Variants in PRP4K observed in about 807,000 individuals in gnomAD.
The protein encoded by PRP4K is serine/threonine-protein kinase PRP4 homolog.
chr6:4,023,992 G>A, the PRP4K span, among the ~76,000 whole-genome samples: 15 of 151,652 alleles, frequency 9.9e-5, no homozygotes, highest in African/African-American at 3.2e-4. Context: ...TCAGCCTCCC[G>A]AGTAGCTGGG....
At chr6:4,043,892 G>A in the PRP4K span, 2 of 1,614,168 alleles carry the variant, frequency 1.2e-6, no homozygotes, top group Non-Finnish European at 1.7e-6. Flanking sequence ...ACGAGAACAC[G>A]ATCACCATCT....
At chr6:4,052,674 AT>A in the PRP4K span, 3 of 1,427,450 alleles carry the variant, frequency 2.1e-6, no homozygotes, top group Non-Finnish European at 2.8e-6. Context: ...TCCATTTTGC[AT>A]TTTAACTCCT....
chr6:4,059,031 A>G, the PRP4K span: 25 of 466,456 alleles, frequency 5.4e-5, no homozygotes, highest in East Asian at 9.2e-4. Context: ...ATTATAGGTC[A>G]TATTTAGGCC....
chr6:4,049,190 G>T, the PRP4K span: 1 of 1,209,916 alleles, frequency 8.3e-7, no homozygotes, highest in Non-Finnish European at 1.2e-6. Context: ...CAGATTATTG[G>T]AGAACTCTGA....
chr6:4,060,631 CTCCAAGGGTT>C, the PRP4K span: 1 of 1,606,042 alleles, frequency 6.2e-7, no homozygotes, highest in Non-Finnish European at 8.5e-7. The surrounding 1 kb of genome is among the most constrained non-coding windows in gnomAD (Gnocchi z 4.7). Flanking sequence ...GATGAAGAAA[CTCCAAGGGTT>C]TGAGTAAATA....
chr6:4,057,593 T>G, the PRP4K span, among the ~76,000 whole-genome samples: 1 of 152,274 alleles, frequency 6.6e-6, no homozygotes, highest in East Asian at 1.9e-4. Flanking sequence ...TATTAAAGAT[T>G]GGAGGTTATT....
chr6:4,044,894 G>C, the PRP4K span, among the ~76,000 whole-genome samples: 2 of 142,036 alleles, frequency 1.4e-5, no homozygotes, highest in East Asian at 2.0e-4. Flanking sequence ...ACAGAGTCTT[G>C]CTCTGTCACC....
chr6:4,024,489 A>G, the PRP4K span, among the ~76,000 whole-genome samples: 1 of 152,256 alleles, frequency 6.6e-6, no homozygotes, highest in Non-Finnish European at 1.5e-5. Context: ...AATTTAAATC[A>G]GTCAGTTCTC....
the PRP4K span, among the ~76,000 whole-genome samples, chr6:4,030,540 T>C: frequency 1.3e-5 from 2 of 152,212 alleles, no homozygotes; most frequent in Non-Finnish European, 2.9e-5. Context: ...TTTGAACCAG[T>C]ATTTAACTTG....
chr6:4,050,817 A>G, the PRP4K span, among the ~76,000 whole-genome samples: 12,874 of 152,246 alleles, frequency 0.085, 1,049 homozygotes, highest in African/African-American at 0.19. Context: ...CTTATTGACA[A>G]ATTGTAACAA....
chr6:4,035,183 C>T, the PRP4K span, among the ~76,000 whole-genome samples: 1 of 149,304 alleles, frequency 6.7e-6, no homozygotes, highest in African/African-American at 2.5e-5. Context: ...GTGGTGTGAT[C>T]TTGGCTCACT....
At chr6:4,040,006 T>C in the PRP4K span, among the ~76,000 whole-genome samples, 1 of 151,876 alleles carries the variant, frequency 6.6e-6, no homozygotes, top group Non-Finnish European at 1.5e-5. Context: ...CAAGGAATCC[T>C]CCCGGTAGCT....
chr6:4,026,413 C>T, the PRP4K span, among the ~76,000 whole-genome samples: 1 of 151,354 alleles, frequency 6.6e-6, no homozygotes, highest in Non-Finnish European at 1.5e-5. Flanking sequence ...AGCACTTCTC[C>T]TGCCTCAGCC....
At chr6:4,030,471 A>G in the PRP4K span, among the ~76,000 whole-genome samples, 1 of 152,198 alleles carries the variant, frequency 6.6e-6, no homozygotes, top group Non-Finnish European at 1.5e-5. Context: ...TTTTGGTCTG[A>G]TATTCTAGGA....
chr6:4,043,133 A>G, the PRP4K span, among the ~76,000 whole-genome samples: 1 of 152,220 alleles, frequency 6.6e-6, no homozygotes, highest in Non-Finnish European at 1.5e-5. Context: ...TTCGAAGACA[A>G]AAGGAGAAAA....
the PRP4K span, chr6:4,040,961 C>G: frequency 2.5e-6 from 4 of 1,571,482 alleles, no homozygotes; most frequent in South Asian, 4.6e-5. Flanking sequence ...CTTTGTTTTT[C>G]CAGTTTAGAG....
chr6:4,040,186 T>G, the PRP4K span, among the ~76,000 whole-genome samples: 1 of 150,026 alleles, frequency 6.7e-6, no homozygotes, highest in African/African-American at 2.4e-5. Flanking sequence ...AGCCCCCAGT[T>G]TTTTTTTTTT....
At chr6:4,058,899 AC>A in the PRP4K span, 8 of 1,096,278 alleles carry the variant, frequency 7.3e-6, no homozygotes, top group South Asian at 8.0e-5. Context: ...TAAAAAAAAA[AC>A]AAAAACCCAA....
At chr6:4,046,697 C>T in the PRP4K span, among the ~76,000 whole-genome samples, 90,467 of 149,908 alleles carry the variant, frequency 0.6, 28,711 homozygotes, top group East Asian at 0.77. Flanking sequence ...CCAATTCTGT[C>T]GCCCAGGTGG....
Sources: allele counts gnomAD v4.1 joint callset (sites outside exome capture counted in the v4.1 genomes callset), GRCh38; gene constraint gnomAD v4.1.1; non-coding constraint Gnocchi (gnomAD v3.1); transcripts MANE v1.5; gene names NCBI Gene and HGNC (gene_info 2026-07-23, HGNC 2026-07-21).